LRRC7: variants seen among roughly 807,000 people sequenced by gnomAD.
LRRC7 encodes leucine rich repeat containing 7.
A neutral mutation model predicts 175.7 loss-of-function variants in LRRC7; 23 were observed. The observed-to-expected ratio is 0.13, with a 90% CI of 0.09 to 0.19. The LOEUF is 0.19. Among genes scored for constraint, LRRC7 ranks in the 10% least tolerant of loss-of-function variants. The probability of loss-of-function intolerance (pLI) is 1.00; values close to 1 mark genes in which losing one functional copy is unlikely to be tolerated. For synonymous variants in LRRC7, 685 were observed against 680.9 expected (o/e 1.01, Z -0.09); for missense variants, 1,354 against 1,904.7 (o/e 0.71, Z 5.38).
At chr1:70,042,232 C>G (rs905299344) in intron 21 of LRRC7, among the ~76,000 whole-genome samples, 1 of 152,206 alleles carries the variant, frequency 6.6e-6, no homozygotes, top group Non-Finnish European at 1.5e-5. Flanking sequence ...CCCAGCTACT[C>G]AACAAGATGA....
At chr1:69,881,679 C>A (rs1686612864) in intron 7 of LRRC7, among the ~76,000 whole-genome samples, 1 of 151,372 alleles carries the variant, frequency 6.6e-6, no homozygotes, top group African/African-American at 2.4e-5. Context: ...GAGTTCAAGA[C>A]TAGTCTGGGC....
intron 2 of LRRC7, among the ~76,000 whole-genome samples, chr1:69,757,122 G>C (rs1670518078): frequency 6.6e-6 from 1 of 151,958 alleles, no homozygotes. Flanking sequence ...TAAACGAAAG[G>C]TGTGAGGACA....
chr1:69,717,866 GAA>G lies in LRRC7; in HGVS notation c.100+39390_100+39391del, dbSNP rs1233237696. 1.3e-4 allele frequency among the ~76,000 whole-genome samples: 14 copies of G among 108,970 alleles called. 2 individuals carry two copies. The highest frequency in any genetic ancestry group is 4.9e-4 in the African/African-American group (14 of 28,370). 71.5% of individuals were successfully genotyped at this position (108,970 alleles called of 152,430 possible). ...AAAAGAAAGAAAGGAAAGAAAGAAA[GAA>G]AGAAAGAAAGAGAGAAAAAGAGGAG... On this transcript the variant is annotated intron_variant, in intron 2 of 26. Transcript: ENST00000651989.
At position 69,924,354 on chromosome 1, in the gene LRRC7, C is replaced by T. The variant is rs561068982; in HGVS notation, c.648-7153C>T. On this transcript the variant is annotated intron_variant, in intron 7 of 26. Coordinates refer to ENST00000651989, the MANE Select transcript of LRRC7 (RefSeq NM_001370785.2). ...ATTCTGTGAAGAAAGTCATTGGTAG[C>T]TTGATGGGGATGGCATTGAATCTAT... is the stretch of plus-strand genomic sequence containing the variant. 3.9e-3 allele frequency among the ~76,000 whole-genome samples: 597 copies of T among 152,210 alleles called. 3 individuals carry two copies. Among genetic ancestry groups the T allele is most frequent in the African/African-American group, 0.013 (551 of 41,530 alleles).
At chr1:70,022,436 A>G (rs542100130) in intron 16 of LRRC7, 18 of 152,308 alleles carry the variant, frequency 1.2e-4, no homozygotes, top group African/African-American at 3.6e-4. Context: ...TGCATTTAAT[A>G]TACTCTGGTA....
At chr1:69,829,005 G>T (rs753025943) in intron 5 of LRRC7, among the ~76,000 whole-genome samples, 7 of 151,838 alleles carry the variant, frequency 4.6e-5, no homozygotes, top group African/African-American at 1.4e-4. Flanking sequence ...TAGCAATTAT[G>T]AAAGTATTTA....
At chr1:69,589,960 ACT>A (rs1033487212) in intron 1 of LRRC7, among the ~76,000 whole-genome samples, 2 of 151,994 alleles carry the variant, frequency 1.3e-5, no homozygotes, top group African/African-American at 2.4e-5. Flanking sequence ...GACATTAAAC[ACT>A]CTATTTTGAA....
chr1:69,869,671 C>G (rs1464276777), intron 7 of LRRC7, among the ~76,000 whole-genome samples: 3 of 152,026 alleles, frequency 2.0e-5, no homozygotes. Context: ...AGGCAGAGAA[C>G]AAGCCCCTGA....
At chr1:69,624,339 T>C (rs1032044975) in intron 1 of LRRC7, among the ~76,000 whole-genome samples, 12 of 152,290 alleles carry the variant, frequency 7.9e-5, no homozygotes, top group African/African-American at 2.9e-4. Context: ...GAAGTTCCTG[T>C]TAAAGATGCA....
chr1:69,962,145 A>G (rs994798458), intron 8 of LRRC7, among the ~76,000 whole-genome samples: 9 of 152,198 alleles, frequency 5.9e-5, no homozygotes, highest in Non-Finnish European at 1.0e-4. Flanking sequence ...ACCAAGAAAA[A>G]AAAACATTTA....
intron 7 of LRRC7, among the ~76,000 whole-genome samples, chr1:69,868,236 T>C (rs1913274): frequency 0.48 from 72,237 of 151,854 alleles, 17,497 homozygotes; most frequent in East Asian, 0.55. Context: ...ACAATAAAAT[T>C]TCTATTATTT....
chr1:69,749,109 C>G (rs1368442323), intron 2 of LRRC7, among the ~76,000 whole-genome samples: 1 of 152,074 alleles, frequency 6.6e-6, no homozygotes, highest in Non-Finnish European at 1.5e-5. Flanking sequence ...TTTCTACTGT[C>G]CTTACATGTA....
chr1:70,033,927 T>C (rs1052883507), intron 18 of LRRC7, among the ~76,000 whole-genome samples: 1 of 152,222 alleles, frequency 6.6e-6, no homozygotes, highest in African/African-American at 2.4e-5. Context: ...TTTAAATTAT[T>C]ATTTCAACAA....
At chr1:69,865,910 G>A (rs1184447568) in intron 7 of LRRC7, among the ~76,000 whole-genome samples, 1 of 152,118 alleles carries the variant, frequency 6.6e-6, no homozygotes, top group African/African-American at 2.4e-5. Context: ...AGCTCCCTAG[G>A]TGTCTCTGCC....
intron 1 of LRRC7, among the ~76,000 whole-genome samples, chr1:69,596,543 A>C (rs1646853800): frequency 6.6e-6 from 1 of 152,232 alleles, no homozygotes; most frequent in African/African-American, 2.4e-5. Context: ...AGTGTCGCAG[A>C]AAGAGAACCT....
intron 2 of LRRC7, among the ~76,000 whole-genome samples, chr1:69,687,822 C>A (rs921068147): frequency 2.6e-5 from 4 of 152,050 alleles, no homozygotes; most frequent in African/African-American, 9.7e-5. Flanking sequence ...TGAAAATATT[C>A]TAATATTAAC....
intron 2 of LRRC7, among the ~76,000 whole-genome samples, chr1:69,748,818 C>T (rs1285382136): frequency 6.6e-6 from 1 of 152,112 alleles, no homozygotes; most frequent in Non-Finnish European, 1.5e-5. Flanking sequence ...CTGACTACTT[C>T]TGCTCTGCTC....
At position 69,874,944 on chromosome 1, in the gene LRRC7, A is replaced by G. The variant is rs867122008; in HGVS notation, c.647+36661A>G. ...TCTGTCATTGTCACATATATTGCAT[A>G]TGTCTCTCAAAAATTAAAAGGTATA... On this transcript the variant is annotated intron_variant, in intron 7 of 26. Coordinates refer to ENST00000651989, the MANE Select transcript of LRRC7 (RefSeq NM_001370785.2). 5.3e-5 allele frequency: 8 copies of G among 152,138 alleles called. No homozygotes were observed. In the Middle Eastern group the frequency reaches 0.014, roughly 259 times the overall value. 9.4% of individuals were successfully genotyped at this position (152,138 alleles called of 1,614,324 possible).
intron 26 of LRRC7, among the ~76,000 whole-genome samples, chr1:70,119,492 T>C (rs7518536): frequency 0.14 from 21,372 of 151,592 alleles, 2,270 homozygotes; most frequent in African/African-American, 0.29. Flanking sequence ...ACAATGCCTA[T>C]GGAAGTGAGT....
Sources: gnomAD v4.1 joint callset for allele counts (sites outside exome capture counted in the v4.1 genomes callset) on GRCh38, gnomAD v4.1.1 for gene constraint, MANE v1.5 for transcripts, NCBI Gene and HGNC (gene_info 2026-07-23, HGNC 2026-07-21) for gene names.